THSD4: variants seen among roughly 807,000 people sequenced by gnomAD.
THSD4 encodes the protein thrombospondin type-1 domain-containing protein 4.
Under a neutral mutation model 119.0 loss-of-function variants are expected in THSD4, and 69 were observed. That is an observed-to-expected ratio of 0.58 (90% confidence interval 0.48 to 0.71). The LOEUF (loss-of-function observed/expected upper bound fraction) is 0.71. Among genes scored for constraint, THSD4 ranks in the 30% least tolerant of loss-of-function variants. THSD4 has a pLI of 0.00. For synonymous variants in THSD4, 524 were observed against 540.4 expected, an observed-to-expected ratio of 0.97 and a Z score of 0.42; for missense variants, 1,393 against 1,391.1, an observed-to-expected ratio of 1.00 and a Z score of -0.02.
intron 6 of THSD4, among the ~76,000 whole-genome samples, chr15:71,280,646 T>G (rs1308770188): frequency 6.6e-6 from 1 of 151,956 alleles, no homozygotes; most frequent in Non-Finnish European, 1.5e-5. Context: ...TTCTGTTTCT[T>G]TCATTGTTTC....
intron 7 of THSD4, among the ~76,000 whole-genome samples, chr15:71,413,502 A>T (rs957511780): frequency 9.9e-5 from 15 of 152,140 alleles, no homozygotes; most frequent in Non-Finnish European, 1.5e-4. Context: ...CTCAGTCTTC[A>T]GGAGTTCAAT....
rs1453499841 is a variant in THSD4, at chr15:71,779,807, A to G, written c.*2433A>G. 6.7e-6 allele frequency: 1 copy of G among 149,766 alleles called. No homozygotes were observed. The highest frequency in any genetic ancestry group is 6.7e-5 in the Admixed American group (1 of 14,924). 9.3% of individuals were successfully genotyped at this position (149,766 alleles called of 1,614,324 possible). On this transcript the variant is annotated 3_prime_UTR_variant, in exon 18 of 18. Coordinates refer to ENST00000261862, the MANE Select transcript of THSD4 (RefSeq NM_024817.3). ...GAAGAAGACCCGATGGATCAACCCC[A>G]TGTCTCCCTTGGGGAGAAAGTGCAT...
chr15:71,678,083 A>G (rs961967588), intron 8 of THSD4, among the ~76,000 whole-genome samples: 4 of 152,188 alleles, frequency 2.6e-5, no homozygotes, highest in East Asian at 3.9e-4. Flanking sequence ...CTGAGAATCC[A>G]TTATCTGCAA....
At chr15:71,228,919 C>A (rs576290498) in intron 4 of THSD4, among the ~76,000 whole-genome samples, 1 of 152,334 alleles carries the variant, frequency 6.6e-6, no homozygotes, top group South Asian at 2.1e-4. Flanking sequence ...ATTAAAATTG[C>A]CCTTTTCCTC....
chr15:71,264,894 T>C (rs187383691), intron 6 of THSD4, among the ~76,000 whole-genome samples: 210 of 152,288 alleles, frequency 1.4e-3, no homozygotes, highest in African/African-American at 5.0e-3. Context: ...ATGAATGCTA[T>C]GGACTAAATG....
At position 71,554,931 on chromosome 15, in the gene THSD4, A is replaced by G. The variant is rs532552997; in HGVS notation, c.1153-105599A>G. ...GCAAACACGTATGAACTCACCACAC[A>G]ACTAAAGAAATCAAAATTCCCAGTA... On this transcript the variant is annotated intron_variant, in intron 7 of 17. Transcript: ENST00000261862. Among the ~76,000 whole-genome samples, 225 of 152,296 alleles carry G rather than the reference A, an allele frequency of 1.5e-3. 3 individuals carry two copies. The highest frequency in any genetic ancestry group is 2.7e-3 in the Admixed American group (41 of 15,298).
intron 2 of THSD4, among the ~76,000 whole-genome samples, chr15:71,145,216 A>G (rs16955200): frequency 0.11 from 16,001 of 152,188 alleles, 1,177 homozygotes; most frequent in East Asian, 0.43. Flanking sequence ...GACGTATTTT[A>G]TATTTCAAGT....
At chr15:71,508,097 A>G (rs966346719) in intron 7 of THSD4, among the ~76,000 whole-genome samples, 6 of 152,184 alleles carry the variant, frequency 3.9e-5, no homozygotes, top group Non-Finnish European at 5.9e-5. Flanking sequence ...GGGCGGGAGG[A>G]CCACTTAATG....
At chr15:71,277,251 G>A (rs1393051607) in intron 6 of THSD4, among the ~76,000 whole-genome samples, 5 of 150,308 alleles carry the variant, frequency 3.3e-5, no homozygotes, top group East Asian at 4.1e-4. Flanking sequence ...TCAGCCTCCC[G>A]AGGAGCTGGG....
chr15:71,670,693 T>A (rs1045745330), intron 8 of THSD4, among the ~76,000 whole-genome samples: 2 of 151,692 alleles, frequency 1.3e-5, no homozygotes, highest in Non-Finnish European at 2.9e-5. Flanking sequence ...CCCCATCCTG[T>A]GTCCAAGTGT....
chr15:71,727,571 T>TACAC (rs2052877901), intron 8 of THSD4, among the ~76,000 whole-genome samples: 36 of 33,666 alleles, frequency 1.1e-3, no homozygotes, highest in African/African-American at 3.3e-3. Context: ...TATATATATA[T>TACAC]ATATATATAT....
chr15:71,265,608 T>G (rs4776543), intron 6 of THSD4, among the ~76,000 whole-genome samples: 42,788 of 151,766 alleles, frequency 0.28, 6,492 homozygotes, highest in East Asian at 0.56. Context: ...GAGACAAAAC[T>G]GTTCACTCCC....
intron 6 of THSD4, among the ~76,000 whole-genome samples, chr15:71,318,871 TG>T (rs1039533737): frequency 5.3e-5 from 8 of 152,194 alleles, no homozygotes; most frequent in Admixed American, 2.0e-4. Flanking sequence ...GAGAGAACAC[TG>T]AGCTGAGAGC....
chr15:71,253,065 T>C (rs2044277524), intron 5 of THSD4, among the ~76,000 whole-genome samples: 2 of 152,226 alleles, frequency 1.3e-5, no homozygotes, highest in South Asian at 4.1e-4. Flanking sequence ...CACAGGGCCA[T>C]GCCCATCCAC....
Position 71,358,541 on chromosome 15 carries a change from A to G in THSD4, c.1016-53146A>G, listed in dbSNP as rs2045852930. On this transcript the variant is annotated intron_variant, in intron 6 of 17. Coordinates refer to ENST00000261862, the MANE Select transcript of THSD4 (RefSeq NM_024817.3). ...TCAGCTCTGGGGCCAGATTTCATAA[A>G]TTCATATTCTGGCTAAGCCACTTAT... Among the ~76,000 whole-genome samples the G allele has an allele frequency of 2.0e-5, 3 of 152,216 alleles. No homozygotes were observed. The South Asian group carries it at 6.2e-4, about 32-fold the overall frequency.
intron 6 of THSD4, among the ~76,000 whole-genome samples, chr15:71,349,970 G>A (rs543837070): frequency 4.6e-5 from 7 of 152,024 alleles, no homozygotes; most frequent in Admixed American, 1.3e-4. Flanking sequence ...TAATTTTAAC[G>A]TAATGCAAAT....
intron 7 of THSD4, among the ~76,000 whole-genome samples, chr15:71,556,586 A>T (rs1379412629): frequency 3.5e-5 from 5 of 141,626 alleles, no homozygotes; most frequent in African/African-American, 1.6e-4. Context: ...TACAAAAAAA[A>T]TAATAATAAT....
At position 71,498,183 on chromosome 15, in the gene THSD4, T is replaced by C. The variant is rs142491315; in HGVS notation, c.1152+86360T>C. Among the ~76,000 whole-genome samples, 140 of 152,340 alleles carry C rather than the reference T, an allele frequency of 9.2e-4. 1 individual carries two copies. The highest frequency in any genetic ancestry group is 1.7e-3 in the Non-Finnish European group (117 of 68,032). On this transcript the variant is annotated intron_variant, in intron 7 of 17. Coordinates refer to ENST00000261862, the MANE Select transcript of THSD4 (RefSeq NM_024817.3). ...AAAACAATATTAAATTTTGTAACACTTTCTAATCAGAAAGAATCCATGGGA... is the reference window on the plus strand; with the variant it reads ...AAAACAATATTAAATTTTGTAACACCTTCTAATCAGAAAGAATCCATGGGA...
chr15:71,371,361 T>G (rs546613928), intron 6 of THSD4, among the ~76,000 whole-genome samples: 28 of 152,356 alleles, frequency 1.8e-4, no homozygotes, highest in Admixed American at 5.2e-4. Context: ...TTGATGCAGT[T>G]TCTTCCTAGC....
Sources: allele counts gnomAD v4.1 joint callset (sites outside exome capture counted in the v4.1 genomes callset), GRCh38; gene constraint gnomAD v4.1.1; transcripts MANE v1.5; gene names NCBI Gene and HGNC (gene_info 2026-07-23, HGNC 2026-07-21).